C1orf141: variants seen among roughly 807,000 people sequenced by gnomAD.
C1orf141 encodes chromosome 1 open reading frame 141.
C1orf141 carries 19 observed loss-of-function variants against 23.2 expected under a neutral mutation model. That is an observed-to-expected ratio of 0.82 (90% CI 0.57 to 1.20). The LOEUF (loss-of-function observed/expected upper bound fraction) is 1.20, where lower values mean the gene tolerates loss of function less well. Ranked by LOEUF, C1orf141 falls within the 50% of genes most tolerant of loss-of-function variation. The pLI, the probability that C1orf141 is intolerant of heterozygous loss-of-function variation, is 0.00. For synonymous variants in C1orf141, 153 were observed against 154.6 expected (o/e 0.99, Z 0.08); for missense variants, 469 against 455.1 (o/e 1.03, Z -0.28).
At position 67,105,182 on chromosome 1, in the gene C1orf141, C is replaced by G. The variant is rs114617081; in HGVS notation, c.347-8861G>C. Among the ~76,000 whole-genome samples the G allele has an allele frequency of 5.4e-3, 814 of 151,768 alleles. 6 individuals carry two copies. The highest frequency in any genetic ancestry group is 0.019 in the African/African-American group (779 of 41,436). The stretch of plus-strand genomic sequence containing the variant: ...TCTCTACTAAAAATCCAAAATAAGC[C>G]GGGTGTGGTGGTGTACGCCTATAGT... On this transcript the variant is annotated intron_variant, in intron 5 of 7. Transcript: ENST00000684719.
chr1:67,135,898 C>T (rs1169910181), upstream of C1orf141, among the ~76,000 whole-genome samples: 2 of 12,242 alleles, frequency 1.6e-4, 1 homozygote, highest in Non-Finnish European at 3.1e-4. Context: ...GTGGCAATGG[C>T]AAAACTGCAA....
rs1369508594 is a variant in C1orf141, at chr1:67,092,452, C to T, written c.*553G>A. On this transcript the variant is annotated 3_prime_UTR_variant, in exon 8 of 8. Coordinates refer to ENST00000684719, the MANE Select transcript of C1orf141 (RefSeq NM_001276351.2). ...AGAAAAAAGTTAAAGTTTGCAAAAA[C>T]ATTATATAATAATGAAGTTCCAACA... 1 of 152,110 alleles carries T rather than the reference C, an allele frequency of 6.6e-6. No homozygotes were observed. Among genetic ancestry groups the T allele is most frequent in the Non-Finnish European group, 1.5e-5 (1 of 68,002 alleles). The allele number at this position is 152,110 out of a possible 1,614,324, so 9.4% of individuals were successfully genotyped here.
upstream of C1orf141, among the ~76,000 whole-genome samples, chr1:67,135,927 A>AAAAAAAAAT (rs1646581584): frequency 6.6e-6 from 1 of 150,464 alleles, no homozygotes; most frequent in Non-Finnish European, 1.5e-5. Context: ...AAAAAAAAAA[A>AAAAAAAAAT]GTATAGTTAT....
At chr1:67,132,637 T>A (rs569805474) in intron 1 of C1orf141, among the ~76,000 whole-genome samples, 1 of 152,368 alleles carries the variant, frequency 6.6e-6, no homozygotes, top group African/African-American at 2.4e-5. Context: ...CAAAGCGTTT[T>A]ACATCTAACG....
At chr1:67,101,449 A>AGTGTGTGTGTGTGTGTGT (rs10688535) in intron 5 of C1orf141, among the ~76,000 whole-genome samples, 61 of 135,378 alleles carry the variant, frequency 4.5e-4, no homozygotes, top group African/African-American at 1.4e-3. Context: ...TGAATGTAAG[A>AGTGTGTGTGTGTGTGTGT]GTGTGTGTGT....
chr1:67,130,539 G>A (rs77258390), intron 2 of C1orf141, among the ~76,000 whole-genome samples: 3,829 of 152,004 alleles, frequency 0.025, 61 homozygotes, highest in East Asian at 0.073. Flanking sequence ...ACACACATAC[G>A]CACATGCACG....
intron 4 of C1orf141, 96 bp downstream of exon 4, chr1:67,125,656 A>C: frequency 8.5e-7 from 1 of 1,181,150 alleles, no homozygotes; most frequent in South Asian, 1.2e-5. Context: ...CCATGTTTGC[A>C]CCACTGCACT....
chr1:67,095,191 A>G lies in C1orf141; in HGVS notation c.603+44T>C, dbSNP rs150088690. The G allele has an allele frequency of 1.8e-3, 2,014 of 1,131,300 alleles. 1 individual carries two copies. Among genetic ancestry groups the G allele is most frequent in the Non-Finnish European group, 2.2e-3 (1,764 of 786,478 alleles). 70.1% of individuals were successfully genotyped at this position (1,131,300 alleles called of 1,614,324 possible). A position where few individuals can be genotyped will look rare whatever the true frequency, so the allele number is the denominator to read the frequency against. On this transcript the variant is annotated intron_variant, in intron 7 of 7. Coordinates refer to ENST00000684719, the MANE Select transcript of C1orf141 (RefSeq NM_001276351.2). ...TATATGGGTGATTCCCATAAGTCTTATGACTACACATATTTACTTAACAAT... is the reference window on the plus strand; with the variant it reads ...TATATGGGTGATTCCCATAAGTCTTGTGACTACACATATTTACTTAACAAT...
intron 5 of C1orf141, among the ~76,000 whole-genome samples, chr1:67,102,276 T>C (rs1223892508): frequency 6.6e-6 from 1 of 150,580 alleles, no homozygotes; most frequent in Admixed American, 6.6e-5. Flanking sequence ...AGAGAGATAA[T>C]TAGGACTCTA....
chr1:67,107,265 T>C (rs1306177957), intron 5 of C1orf141, among the ~76,000 whole-genome samples: 1 of 152,134 alleles, frequency 6.6e-6, no homozygotes, highest in East Asian at 1.9e-4. Flanking sequence ...CCAACAGATA[T>C]ATTAAAGTGA....
chr1:67,115,741 T>C (rs2102467800), intron 4 of C1orf141, among the ~76,000 whole-genome samples: 1 of 152,262 alleles, frequency 6.6e-6, no homozygotes, highest in Admixed American at 6.5e-5. Context: ...ATTAACCCTT[T>C]CAGAAAAATA....
At chr1:67,115,283 G>T in intron 5 of C1orf141, 69 bp downstream of exon 5, 1 of 642,742 alleles carries the variant, frequency 1.6e-6, no homozygotes, top group Non-Finnish European at 2.8e-6. Flanking sequence ...ACACACATCG[G>T]TAAATAATAA....
intron 6 of C1orf141, chr1:67,096,010 T>C: frequency 3.3e-6 from 1 of 302,298 alleles, no homozygotes. Flanking sequence ...TAAATGTGTG[T>C]ATTTACTAAA....
At chr1:67,104,215 T>C (rs1245690282) in intron 5 of C1orf141, among the ~76,000 whole-genome samples, 1 of 151,952 alleles carries the variant, frequency 6.6e-6, no homozygotes, top group Non-Finnish European at 1.5e-5. Context: ...GGGAGGGATA[T>C]CAATAAAGAC....
intron 3 of C1orf141, among the ~76,000 whole-genome samples, chr1:67,126,599 T>C (rs1459231037): frequency 6.6e-6 from 1 of 152,174 alleles, no homozygotes; most frequent in African/African-American, 2.4e-5. Flanking sequence ...AGGCAAAATA[T>C]ATGAAAACAA....
chr1:67,128,944 T>G (rs770895079), intron 2 of C1orf141, among the ~76,000 whole-genome samples: 22 of 152,298 alleles, frequency 1.4e-4, no homozygotes, highest in Middle Eastern at 3.4e-3. Flanking sequence ...CAACAGTTCA[T>G]GAAAGGAGAA....
rs116498787 is a variant in C1orf141 at position 67,133,505 on chromosome 1, T to C, written c.-104+1425A>G. Among the ~76,000 whole-genome samples the C allele has an allele frequency of 1.1e-3, 171 of 152,354 alleles. 1 individual carries two copies. Among genetic ancestry groups the C allele is most frequent in the African/African-American group, 4.0e-3 (165 of 41,584 alleles). On this transcript the variant is annotated intron_variant, in intron 1 of 7. Coordinates refer to ENST00000684719, the MANE Select transcript of C1orf141 (RefSeq NM_001276351.2). ...AAGGATAGACTTAGGGGAATCTTTT[T>C]TCTTTAAATCTAAAATGTTGATAAA... is the stretch of plus-strand genomic sequence containing the variant.
At chr1:67,131,050 T>C (rs948712792) in intron 2 of C1orf141, 92 bp downstream of exon 2, 1 of 152,282 alleles carries the variant, frequency 6.6e-6, no homozygotes, top group Non-Finnish European at 1.5e-5. Flanking sequence ...TATGATGGTG[T>C]TCCCCAACTA....
intron 4 of C1orf141, chr1:67,121,735 A>G (rs1390657987): frequency 6.6e-6 from 1 of 152,230 alleles, no homozygotes; most frequent in Non-Finnish European, 1.5e-5. Flanking sequence ...GCTCTAATGA[A>G]TTGGTAGGAG....
Sources: allele counts gnomAD v4.1 joint callset (sites outside exome capture counted in the v4.1 genomes callset), GRCh38; gene constraint gnomAD v4.1.1; transcripts MANE v1.5; gene names NCBI Gene and HGNC (gene_info 2026-07-23, HGNC 2026-07-21).